The following GALNTL6 variants were observed in gnomAD, a reference collection of about 807,000 sequenced individuals.
GALNTL6 encodes the protein polypeptide N-acetylgalactosaminyltransferase like 6.
GALNTL6 carries 46 observed loss-of-function variants against 73.7 expected under a neutral mutation model. The observed-to-expected ratio is 0.62, with a 90% CI of 0.49 to 0.80. GALNTL6 has a LOEUF of 0.80. GALNTL6 is among the 30% of genes least tolerant of loss of function. The pLI is 0.00. For missense variants in GALNTL6, 604 were observed against 755.0 expected (o/e 0.80, Z 2.34); for synonymous variants, 259 against 263.7 (o/e 0.98, Z 0.17).
At chr4:171,995,609 A>G (rs1740462924) in intron 2 of GALNTL6, among the ~76,000 whole-genome samples, 1 of 152,106 alleles carries the variant, frequency 6.6e-6, no homozygotes, top group Admixed American at 6.6e-5. Context: ...GAAAGAATAC[A>G]TTAGTATAAG....
intron 5 of GALNTL6, among the ~76,000 whole-genome samples, chr4:172,499,680 A>C (rs1040580096): frequency 2.6e-5 from 4 of 152,210 alleles, no homozygotes; most frequent in African/African-American, 9.7e-5. Context: ...GCATTGTACA[A>C]ATGCTTCACC....
At chr4:171,865,094 C>A (rs554339467) in intron 2 of GALNTL6, among the ~76,000 whole-genome samples, 2 of 151,690 alleles carry the variant, frequency 1.3e-5, no homozygotes, top group Non-Finnish European at 2.9e-5. Context: ...TGCCGTGAAC[C>A]GAGATCACGC....
At chr4:172,066,084 C>A (rs1731353907) in intron 2 of GALNTL6, among the ~76,000 whole-genome samples, 1 of 152,198 alleles carries the variant, frequency 6.6e-6, no homozygotes, top group South Asian at 2.1e-4. Flanking sequence ...GATGAGCACA[C>A]ATTGACACAT....
At chr4:172,607,512 T>C (rs1462172127) in intron 5 of GALNTL6, among the ~76,000 whole-genome samples, 1 of 152,204 alleles carries the variant, frequency 6.6e-6, no homozygotes, top group East Asian at 1.9e-4. Context: ...TATGGGCATC[T>C]AGGTTGATTC....
chr4:172,721,170 G>A (rs1735450359), intron 5 of GALNTL6, among the ~76,000 whole-genome samples: 1 of 152,178 alleles, frequency 6.6e-6, no homozygotes, highest in Non-Finnish European at 1.5e-5. Flanking sequence ...TGGCATAAAT[G>A]TCACTTATTA....
chr4:172,887,217 C>A (rs1052911713), intron 8 of GALNTL6, among the ~76,000 whole-genome samples: 1 of 152,178 alleles, frequency 6.6e-6, no homozygotes, highest in African/African-American at 2.4e-5. Context: ...ACCACATTAT[C>A]ATAATTCAGT....
intron 4 of GALNTL6, among the ~76,000 whole-genome samples, chr4:172,336,783 G>C (rs1011343664): frequency 6.6e-6 from 1 of 152,106 alleles, no homozygotes; most frequent in Non-Finnish European, 1.5e-5. Flanking sequence ...GTTAATTTAA[G>C]TTCAGAATTT....
At chr4:171,937,974 T>G (rs1166880839) in intron 2 of GALNTL6, among the ~76,000 whole-genome samples, 1 of 152,190 alleles carries the variant, frequency 6.6e-6, no homozygotes, top group Non-Finnish European at 1.5e-5. Flanking sequence ...TTTCAGATAC[T>G]TGGGTTGTTT....
At chr4:172,669,503 G>A (rs1400074422) in intron 5 of GALNTL6, among the ~76,000 whole-genome samples, 1 of 152,132 alleles carries the variant, frequency 6.6e-6, no homozygotes, top group Non-Finnish European at 1.5e-5. Context: ...GAAAAAATTT[G>A]CCAGTTGAAA....
At chr4:172,371,711 G>T (rs920840301) in intron 5 of GALNTL6, among the ~76,000 whole-genome samples, 1 of 150,998 alleles carries the variant, frequency 6.6e-6, no homozygotes, top group South Asian at 2.1e-4. Context: ...TTGACTTTCT[G>T]TCTCTTTCTC....
intron 5 of GALNTL6, among the ~76,000 whole-genome samples, chr4:172,629,200 T>C (rs1739285605): frequency 6.6e-6 from 1 of 152,198 alleles, no homozygotes; most frequent in South Asian, 2.1e-4. Flanking sequence ...CTGTTTTAAT[T>C]TGTGGTTCAT....
At chr4:172,397,332 C>T (rs1394043115) in intron 5 of GALNTL6, among the ~76,000 whole-genome samples, 2 of 151,996 alleles carry the variant, frequency 1.3e-5, no homozygotes, top group African/African-American at 4.8e-5. Flanking sequence ...AAAAGCATTA[C>T]TGGAATTTGA....
chr4:171,975,256 T>C (rs1045791382), intron 2 of GALNTL6, among the ~76,000 whole-genome samples: 1 of 152,172 alleles, frequency 6.6e-6, no homozygotes, highest in Non-Finnish European at 1.5e-5. Flanking sequence ...TAGATATATT[T>C]GAAATTAGCA....
At chr4:172,301,012 C>T (rs954071825) in intron 3 of GALNTL6, among the ~76,000 whole-genome samples, 18 of 152,182 alleles carry the variant, frequency 1.2e-4, no homozygotes, top group African/African-American at 2.7e-4. Context: ...ACCAATCAGA[C>T]GTAGATTTGG....
At chr4:172,841,691 T>A (rs1423832006) in intron 7 of GALNTL6, among the ~76,000 whole-genome samples, 1 of 152,100 alleles carries the variant, frequency 6.6e-6, no homozygotes, top group African/African-American at 2.4e-5. Context: ...TTAGGTCTCA[T>A]GAAAATCCAC....
chr4:171,917,456 G>T (rs1737663332), intron 2 of GALNTL6, among the ~76,000 whole-genome samples: 1 of 152,088 alleles, frequency 6.6e-6, no homozygotes, highest in Non-Finnish European at 1.5e-5. Flanking sequence ...TGAGTTTCAT[G>T]TTAGCTCAGG....
chr4:172,932,467 C>T (rs952057169), intron 9 of GALNTL6, among the ~76,000 whole-genome samples: 2 of 152,108 alleles, frequency 1.3e-5, no homozygotes, highest in Non-Finnish European at 2.9e-5. Context: ...TATTCATCAA[C>T]TGTCCATTTC....
intron 5 of GALNTL6, among the ~76,000 whole-genome samples, chr4:172,686,596 A>G (rs1732933648): frequency 2.0e-5 from 3 of 152,318 alleles, no homozygotes; most frequent in East Asian, 1.9e-4. Context: ...CTAGAGGAAA[A>G]CACTATAGAA....
intron 5 of GALNTL6, among the ~76,000 whole-genome samples, chr4:172,681,344 A>G (rs1732623709): frequency 6.6e-6 from 1 of 152,168 alleles, no homozygotes; most frequent in African/African-American, 2.4e-5. Context: ...CATGACGTAC[A>G]CTTCATATCA....
Sources: gnomAD v4.1 joint callset for allele counts (sites outside exome capture counted in the v4.1 genomes callset) on GRCh38, gnomAD v4.1.1 for gene constraint, MANE v1.5 for transcripts, NCBI Gene and HGNC (gene_info 2026-07-23, HGNC 2026-07-21) for gene names.